KLHL4: variants seen among roughly 807,000 people sequenced by gnomAD.
KLHL4 encodes kelch-like protein 4.
KLHL4 carries 17 observed loss-of-function variants against 45.8 expected under a neutral mutation model. That is an observed-to-expected ratio of 0.37 (90% CI 0.25 to 0.56). KLHL4 has a LOEUF of 0.56. Among genes scored for constraint, KLHL4 ranks in the 20% least tolerant of loss-of-function variants. KLHL4 has a pLI of 0.79. For missense variants in KLHL4, 544 were observed against 544.9 expected (o/e 1.00, Z 0.02); for synonymous variants, 224 against 189.9 (o/e 1.18, Z -1.47).
intron 1 of KLHL4, among the ~76,000 whole-genome samples, chrX:87,525,240 T>G (rs949677526): frequency 2.7e-5 from 3 of 111,522 alleles, no homozygotes; most frequent in East Asian, 2.8e-4. Context: ...GAAAAACTTA[T>G]TTTTTTATCA....
intron 6 of KLHL4, 150 bp from the exon 7 acceptor site, chrX:87,632,060 T>G (rs779734953): frequency 7.1e-6 from 3 of 420,608 alleles, no homozygotes; most frequent in Non-Finnish European, 1.2e-5. Flanking sequence ...GTCTCCCAGG[T>G]TGTAGAATTA....
chrX:87,528,788 A>G (rs1931177165), intron 1 of KLHL4, among the ~76,000 whole-genome samples: 1 of 108,270 alleles, frequency 9.2e-6, no homozygotes, highest in South Asian at 4.0e-4. Flanking sequence ...TGTTTAACGA[A>G]GTAGCTAAAC....
At position 87,625,651 on chromosome X, in the gene KLHL4, T is replaced by A. The variant is rs267606526; in HGVS notation, c.1179T>A (p.Asp393Glu). 3 of 1,208,864 alleles carry A rather than the reference T, an allele frequency of 2.5e-6. No individual in the cohort carries two copies. In the Admixed American group the frequency reaches 6.6e-5, roughly 26 times the overall value. ...AAACCAGTTCCATGTTTACTGGTGATCTTGAGTGTCAGAAGCTCCTGATGG... is the reference window on the plus strand; with the variant it reads ...AAACCAGTTCCATGTTTACTGGTGAACTTGAGTGTCAGAAGCTCCTGATGG... Reference protein sequence around the residue: ...DLETSSMFTGDLECQKLLMEA... With the variant: ...DLETSSMFTGELECQKLLMEA... Residue 393 changes from aspartate (D) to glutamate (E), a missense_variant, in exon 6 of 11, where the codon GAT becomes GAA. By Grantham distance (45) the Asp-to-Glu change is conservative. Transcript: ENST00000373119.
chrX:87,637,417 A>C (rs1485505982), intron 9 of KLHL4, among the ~76,000 whole-genome samples: 2 of 111,336 alleles, frequency 1.8e-5, no homozygotes, highest in East Asian at 5.7e-4. Flanking sequence ...TAGTATGACA[A>C]AATGAGGTTT....
intron 1 of KLHL4, among the ~76,000 whole-genome samples, chrX:87,595,431 T>C (rs1215254561): frequency 8.9e-6 from 1 of 112,156 alleles, no homozygotes; most frequent in Non-Finnish European, 1.9e-5. Flanking sequence ...CTCAACTTAG[T>C]TCATCCTGTG....
chrX:87,567,531 A>G (rs1258678265), intron 1 of KLHL4, among the ~76,000 whole-genome samples: 2 of 111,680 alleles, frequency 1.8e-5, no homozygotes, highest in Non-Finnish European at 3.8e-5. Context: ...ATTATTCACA[A>G]TAGTCAAAAG....
In KLHL4 at chrX:87,621,143, T is replaced by G. The variant is rs57736354; in HGVS notation, c.925-1068T>G. On this transcript the variant is annotated intron_variant, in intron 4 of 10. Transcript: ENST00000373119. ...ACTTCCACAATGACTCAACTAAAAG[T>G]AAAGCTGAGGTGGTGATTTGATTTA... Among the ~76,000 whole-genome samples the G allele has an allele frequency of 8.6e-3, 958 of 111,947 alleles. 7 individuals carry two copies. The highest frequency in any genetic ancestry group is 0.029 in the African/African-American group (894 of 30,896).
At chrX:87,566,803 G>A (rs1932220699) in intron 1 of KLHL4, among the ~76,000 whole-genome samples, 1 of 111,310 alleles carries the variant, frequency 9.0e-6, no homozygotes, top group African/African-American at 3.3e-5. Flanking sequence ...AATGAAATAA[G>A]TCATATTAAT....
intron 1 of KLHL4, among the ~76,000 whole-genome samples, chrX:87,537,509 G>A (rs1228368295): frequency 1.8e-5 from 2 of 110,278 alleles, no homozygotes; most frequent in Non-Finnish European, 3.8e-5. Flanking sequence ...TATATATATA[G>A]ATAGGTCGAT....
chrX:87,563,166 C>T (rs1347219028), intron 1 of KLHL4, among the ~76,000 whole-genome samples: 2 of 110,652 alleles, frequency 1.8e-5, no homozygotes, highest in African/African-American at 6.6e-5. Flanking sequence ...GACAAGAGCA[C>T]ATAAGCCCAA....
At chrX:87,558,264 A>C (rs529584174) in intron 1 of KLHL4, among the ~76,000 whole-genome samples, 2 of 110,919 alleles carry the variant, frequency 1.8e-5, no homozygotes, top group South Asian at 3.7e-4. Context: ...GATCTGTTTA[A>C]CCTCTTTAAG....
chrX:87,626,425 A>AT (rs199812060), intron 6 of KLHL4, among the ~76,000 whole-genome samples: 3,120 of 110,866 alleles, frequency 0.028, 44 homozygotes, highest in Non-Finnish European at 0.042. Flanking sequence ...GAGAATATGC[A>AT]TTTTTTTCAT....
At chrX:87,578,099 A>G (rs1365143019) in intron 1 of KLHL4, among the ~76,000 whole-genome samples, 1 of 111,455 alleles carries the variant, frequency 9.0e-6, no homozygotes, top group East Asian at 2.8e-4. Context: ...ACCTGTATTT[A>G]AATACCAGCA....
intron 6 of KLHL4, among the ~76,000 whole-genome samples, chrX:87,631,879 C>A (rs750391268): frequency 4.2e-4 from 47 of 112,081 alleles, no homozygotes; most frequent in Non-Finnish European, 8.1e-4. Context: ...TAATAGAATC[C>A]AAGGTATTTT....
rs753423479 is a variant in KLHL4 at position 87,645,819 on chromosome X, A to G, written c.1925+10044A>G. On this transcript the variant is annotated intron_variant, in intron 9 of 10. Coordinates refer to ENST00000373119, the MANE Select transcript of KLHL4 (RefSeq NM_019117.5). ...TCAGGAATGGAAAACCAAACATTGT[A>G]TGTTCTCGCTGATATGTGGGAGCTA... is the stretch of plus-strand genomic sequence containing the variant. Among the ~76,000 whole-genome samples the G allele has an allele frequency of 1.8e-4, 20 of 111,660 alleles. No homozygotes were observed. In the South Asian group the frequency reaches 7.1e-3, roughly 40 times the overall value.
At chrX:87,532,932 C>G (rs1406540915) in intron 1 of KLHL4, among the ~76,000 whole-genome samples, 1 of 108,300 alleles carries the variant, frequency 9.2e-6, no homozygotes, top group Admixed American at 1.0e-4. Flanking sequence ...ACATTTATGC[C>G]GCCAAAAAAC....
At chrX:87,588,941 A>G (rs1015764385) in intron 1 of KLHL4, among the ~76,000 whole-genome samples, 21 of 111,990 alleles carry the variant, frequency 1.9e-4, no homozygotes, top group African/African-American at 6.5e-4. Context: ...AATATTTGCA[A>G]ACTACTCATT....
At chrX:87,532,667 T>G (rs1487616498) in intron 1 of KLHL4, among the ~76,000 whole-genome samples, 1 of 104,256 alleles carries the variant, frequency 9.6e-6, no homozygotes, top group African/African-American at 3.5e-5. Context: ...GTAAGTTGGA[T>G]TCCTAGGTAT....
intron 1 of KLHL4, among the ~76,000 whole-genome samples, chrX:87,596,172 C>T (rs1222983813): frequency 3.6e-5 from 4 of 111,652 alleles, no homozygotes; most frequent in Non-Finnish European, 7.5e-5. Flanking sequence ...GACCAGATGC[C>T]AGCATTATAC....
Sources: allele counts gnomAD v4.1 joint callset (sites outside exome capture counted in the v4.1 genomes callset), GRCh38; gene constraint gnomAD v4.1.1; transcripts MANE v1.5; gene names NCBI Gene and HGNC (gene_info 2026-07-23, HGNC 2026-07-21).